SLIT3: variants seen among roughly 807,000 people sequenced by gnomAD.
The protein encoded by SLIT3 is slit guidance ligand 3, also known as slit homolog 3 protein.
In SLIT3, 68 loss-of-function variants were observed where a neutral mutation model predicts 184.0. The ratio of observed to expected loss-of-function variants is 0.37; its 90% confidence interval spans 0.30 to 0.45. SLIT3 has a LOEUF of 0.45. Ranked by LOEUF, SLIT3 falls within the 20% of genes least tolerant of loss-of-function variation. SLIT3 has a pLI of 1.00. For missense variants in SLIT3, 1,707 were observed against 2,026.0 expected, an observed-to-expected ratio of 0.84 and a Z score of 3.02; for synonymous variants, 831 against 828.6, an observed-to-expected ratio of 1.00 and a Z score of -0.05.
At chr5:168,897,945 G>T (rs901568533) in intron 4 of SLIT3, among the ~76,000 whole-genome samples, 10 of 152,136 alleles carry the variant, frequency 6.6e-5, no homozygotes, top group African/African-American at 2.4e-4. Context: ...ACAGGGGAAG[G>T]TCGGCTGGGG....
intron 4 of SLIT3, among the ~76,000 whole-genome samples, chr5:168,978,852 A>T (rs1754852987): frequency 7.2e-6 from 1 of 138,530 alleles, no homozygotes; most frequent in Non-Finnish European, 1.5e-5. Context: ...TCCCTCCTCC[A>T]TTGGAAGCTT....
intron 4 of SLIT3, among the ~76,000 whole-genome samples, chr5:169,077,489 A>C (rs769892108): frequency 2.0e-4 from 31 of 152,078 alleles, no homozygotes; most frequent in Non-Finnish European, 3.5e-4. Flanking sequence ...CAGTGAGCCG[A>C]GATCACACCA....
At chr5:168,696,542 G>T in intron 27 of SLIT3, 111 bp from the exon 28 acceptor site, 5 of 1,299,980 alleles carry the variant, frequency 3.8e-6, no homozygotes, top group Non-Finnish European at 5.4e-6. Context: ...TTTTCCTCCA[G>T]ATGGAGGTCT....
At chr5:168,803,234 A>G (rs983035801) in intron 9 of SLIT3, among the ~76,000 whole-genome samples, 2 of 152,246 alleles carry the variant, frequency 1.3e-5, no homozygotes, top group Admixed American at 1.3e-4. Flanking sequence ...CATTTTATAA[A>G]ATAAAAGACA....
chr5:168,776,449 C>T (rs897478576), intron 12 of SLIT3, among the ~76,000 whole-genome samples: 3 of 152,196 alleles, frequency 2.0e-5, no homozygotes, highest in African/African-American at 7.2e-5. Context: ...ATTATTCTCA[C>T]AGGAACCTGG....
Position 168,700,626 on chromosome 5 carries a change from A to G in SLIT3, c.2898T>C (p.His966=), listed in dbSNP as rs374452354. The change falls in exon 27 of 36, where the codon CAT becomes CAC. Residue 966 remains histidine (H), a synonymous_variant. Transcript: ENST00000519560. The part of the protein sequence containing the change: ...INTCIQNPCQ[H]GGTCHLSDSH... ...TGTCACTCAGGTGGCAGGTGCCTCCATGCTGACAGGGGTTCTGGATGCAGG... is the reference window on the plus strand; with the variant it reads ...TGTCACTCAGGTGGCAGGTGCCTCCGTGCTGACAGGGGTTCTGGATGCAGG... 21 of 1,614,100 alleles carry G rather than the reference A, an allele frequency of 1.3e-5. No individual in the cohort carries two copies. The highest frequency in any genetic ancestry group is 1.7e-5 in the Non-Finnish European group (20 of 1,180,052).
rs1047268252 is a variant in SLIT3 at position 169,244,598 on chromosome 5, C to A, written c.341+107G>T. 1.3e-5 allele frequency: 12 copies of A among 920,328 alleles called. No individual in the cohort carries two copies. In the Admixed American group the frequency reaches 1.9e-4, roughly 15 times the overall value. 57.0% of individuals were successfully genotyped at this position (920,328 alleles called of 1,614,324 possible). A position where few individuals can be genotyped will look rare whatever the true frequency, so the allele number is the denominator to read the frequency against. On this transcript the variant is annotated intron_variant, in intron 3 of 35. Coordinates refer to ENST00000519560, the MANE Select transcript of SLIT3 (RefSeq NM_003062.4). ...AACATTCTATTTAAACACTGGAGAC[C>A]TTTTTTAACAAGGTTATAAGGCCAA... is the stretch of plus-strand genomic sequence containing the variant.
At chr5:169,006,161 T>C (rs1459891048) in intron 4 of SLIT3, among the ~76,000 whole-genome samples, 1 of 152,194 alleles carries the variant, frequency 6.6e-6, no homozygotes, top group Non-Finnish European at 1.5e-5. Context: ...GCCACTGCTG[T>C]CTTACTGTAA....
Position 168,749,600 on chromosome 5 carries a change from T to C in SLIT3, c.2009A>G (p.His670Arg). The C allele has an allele frequency of 1.9e-6, 3 of 1,614,186 alleles. No individual in the cohort carries two copies. The highest frequency in any genetic ancestry group is 2.5e-6 in the Non-Finnish European group (3 of 1,180,016). ...LLSNPFNCNC[H>R]LAWLGKWLRK... ...CAACCACTTGCCGAGCCAGGCCAGG[T>C]GGCAGTTGCAGTTGAAGGGGTTGGA... is the stretch of plus-strand genomic sequence containing the variant. Residue 670 changes from histidine (H) to arginine (R), a missense_variant, in exon 19 of 36, where the codon CAC becomes CGC. His to Arg is a conservative substitution (Grantham distance 29, BLOSUM62 0). Coordinates refer to ENST00000519560, the MANE Select transcript of SLIT3 (RefSeq NM_003062.4).
chr5:168,747,508 T>C (rs878932504), intron 20 of SLIT3, among the ~76,000 whole-genome samples: 1 of 151,694 alleles, frequency 6.6e-6, no homozygotes, highest in South Asian at 2.1e-4. Flanking sequence ...TGTGTGTTGG[T>C]TGTGTGAGTG....
At chr5:168,850,167 C>A (rs1321493066) in intron 5 of SLIT3, among the ~76,000 whole-genome samples, 1 of 152,150 alleles carries the variant, frequency 6.6e-6, no homozygotes. Context: ...GTTACACTTC[C>A]TCAGAGAAAT....
At chr5:169,070,625 T>C (rs993503990) in intron 4 of SLIT3, among the ~76,000 whole-genome samples, 2 of 152,076 alleles carry the variant, frequency 1.3e-5, no homozygotes, top group East Asian at 3.9e-4. Flanking sequence ...GTTTGCCAAC[T>C]GGGAGGACCA....
At chr5:169,096,307 C>T (rs1012927566) in intron 4 of SLIT3, among the ~76,000 whole-genome samples, 9 of 152,218 alleles carry the variant, frequency 5.9e-5, no homozygotes, top group African/African-American at 1.2e-4. Context: ...TATAAACATC[C>T]TTGTCTATGA....
At chr5:168,858,672 T>C (rs1357717319) in intron 5 of SLIT3, among the ~76,000 whole-genome samples, 2 of 152,282 alleles carry the variant, frequency 1.3e-5, no homozygotes, top group African/African-American at 4.8e-5. Flanking sequence ...AGCCTGTCCC[T>C]GATGGATACA....
intron 16 of SLIT3, among the ~76,000 whole-genome samples, chr5:168,755,389 A>ATTTCTTTCTTTCTTTTCTTTTCTTTTC (rs1754860430): frequency 7.5e-6 from 1 of 133,638 alleles, no homozygotes; most frequent in African/African-American, 2.6e-5. Context: ...CAGTGCCGCC[A>ATTTCTTTCTTTCTTTTCTTTTCTTTTC]TTTCTTTCTT....
intron 1 of SLIT3, among the ~76,000 whole-genome samples, chr5:169,269,649 A>G (rs1340794925): frequency 6.6e-6 from 1 of 152,268 alleles, no homozygotes; most frequent in Non-Finnish European, 1.5e-5. Context: ...CAGTGGGACC[A>G]GAGTGGGACC....
intron 3 of SLIT3, among the ~76,000 whole-genome samples, chr5:169,198,235 A>T (rs973743304): frequency 1.3e-5 from 2 of 152,264 alleles, no homozygotes; most frequent in Non-Finnish European, 2.9e-5. Context: ...AAAAATTGCC[A>T]TGTTCTTGAA....
chr5:169,300,377 G>A lies in SLIT3; in HGVS notation c.197+136C>T, dbSNP rs2113671843. Reference sequence around the variant, plus strand: ...TACAGACCCCCAGCTCGGAGAGTGAGGGATCGTATCCAGGAAGGGATGAGA... The same window carrying A: ...TACAGACCCCCAGCTCGGAGAGTGAAGGATCGTATCCAGGAAGGGATGAGA... On this transcript the variant is annotated intron_variant, in intron 1 of 35. Transcript: ENST00000519560. The surrounding 1 kb of genome is among the most constrained non-coding windows in gnomAD (Gnocchi z 4.1). 2 of 1,157,526 alleles carry A rather than the reference G, an allele frequency of 1.7e-6. No homozygotes were observed. The highest frequency in any genetic ancestry group is 4.1e-5 in the Admixed American group (1 of 24,292). 71.7% of individuals were successfully genotyped at this position (1,157,526 alleles called of 1,614,324 possible).
chr5:168,985,113 G>C (rs1215165357), intron 4 of SLIT3, among the ~76,000 whole-genome samples: 1 of 152,178 alleles, frequency 6.6e-6, no homozygotes, highest in Non-Finnish European at 1.5e-5. Flanking sequence ...AATTCTCTAA[G>C]ATCAGGGATG....
Sources: gnomAD v4.1 joint callset for allele counts (sites outside exome capture counted in the v4.1 genomes callset) on GRCh38, gnomAD v4.1.1 for gene constraint, Gnocchi (gnomAD v3.1) non-coding constraint, MANE v1.5 for transcripts, NCBI Gene and HGNC (gene_info 2026-07-23, HGNC 2026-07-21) for gene names.